GALNT18: variants seen among roughly 807,000 people sequenced by gnomAD.
GALNT18 encodes GalNAc-transferase 18.
In GALNT18, 44 loss-of-function variants were observed where a neutral mutation model predicts 69.5. The ratio of observed to expected loss-of-function variants is 0.63; its 90% CI spans 0.50 to 0.81. GALNT18 has a LOEUF of 0.81. Ranked by LOEUF, GALNT18 falls within the 40% of genes least tolerant of loss-of-function variation. GALNT18 has a pLI of 0.00. For synonymous variants in GALNT18, 364 were observed against 318.2 expected (o/e 1.14, Z -1.53); for missense variants, 715 against 810.0 (o/e 0.88, Z 1.42).
intron 6 of GALNT18, among the ~76,000 whole-genome samples, chr11:11,367,553 A>G (rs899436782): frequency 6.6e-6 from 1 of 152,124 alleles, no homozygotes; most frequent in Non-Finnish European, 1.5e-5. Context: ...GATGGAGAGG[A>G]GAGGGGTCTT....
intron 1 of GALNT18, among the ~76,000 whole-genome samples, chr11:11,536,781 G>A (rs1857782796): frequency 6.6e-6 from 1 of 152,226 alleles, no homozygotes; most frequent in Non-Finnish European, 1.5e-5. Context: ...TTCACATGTG[G>A]TAGGTGCACA....
intron 9 of GALNT18, among the ~76,000 whole-genome samples, chr11:11,321,495 A>G (rs753258375): frequency 6.6e-6 from 1 of 152,148 alleles, no homozygotes; most frequent in Admixed American, 6.5e-5. Context: ...AGCAAGACAA[A>G]CCCTTGAACT....
At chr11:11,488,408 C>A (rs573958306) in intron 1 of GALNT18, among the ~76,000 whole-genome samples, 3 of 152,132 alleles carry the variant, frequency 2.0e-5, no homozygotes, top group African/African-American at 7.2e-5. Context: ...CTCCAGCCTG[C>A]CTCTTTTGCT....
rs1390223170 is a variant in GALNT18, at chr11:11,332,660, T to C, written c.1416+34A>G. The C allele has an allele frequency of 6.2e-7, 1 of 1,610,216 alleles. No homozygotes were observed. The highest frequency in any genetic ancestry group is 2.2e-5 in the East Asian group (1 of 44,780). ...TTCACTATGTTTCTTTCTGTCTGTG[T>C]CTGAATGAAACCCGGAGGAGGCCAG... On this transcript the variant is annotated intron_variant, in intron 8 of 10. Transcript: ENST00000227756. The surrounding 1 kb of genome is among the most constrained non-coding windows in gnomAD (Gnocchi z 4.3).
intron 1 of GALNT18, among the ~76,000 whole-genome samples, chr11:11,575,543 C>A (rs1858905001): frequency 6.6e-6 from 1 of 152,228 alleles, no homozygotes; most frequent in Non-Finnish European, 1.5e-5. Context: ...AAACCTCAGT[C>A]TCTTCATTTG....
At chr11:11,453,011 A>T (rs1353107359) in intron 1 of GALNT18, among the ~76,000 whole-genome samples, 3 of 152,106 alleles carry the variant, frequency 2.0e-5, no homozygotes, top group African/African-American at 7.2e-5. Flanking sequence ...TGAGCACAAC[A>T]CAGAGGCTGT....
intron 3 of GALNT18, among the ~76,000 whole-genome samples, chr11:11,409,561 T>A (rs896579137): frequency 1.3e-5 from 2 of 151,870 alleles, no homozygotes; most frequent in African/African-American, 4.8e-5. Context: ...CCATGATACA[T>A]CTGTACCCAG....
rs1009670851 is a variant in GALNT18 at position 11,573,608 on chromosome 11, G to C, written c.235+47751C>G. 1 of 152,222 alleles carries C rather than the reference G, an allele frequency of 6.6e-6. No homozygotes were observed. Among genetic ancestry groups the C allele is most frequent in the African/African-American group, 2.4e-5 (1 of 41,434 alleles). 9.4% of individuals were successfully genotyped at this position (152,222 alleles called of 1,614,324 possible). ...GAAGAGGTGCCAGCTGGATCAGCAA[G>C]AGGCTGGTGGAGAACAAGAAGCTGC... On this transcript the variant is annotated intron_variant, in intron 1 of 10. Transcript: ENST00000227756. The surrounding 1 kb of genome is among the most constrained non-coding windows in gnomAD (Gnocchi z 4.6).
In GALNT18 at chr11:11,573,660, G is replaced by A. The variant is rs967653324; in HGVS notation, c.235+47699C>T. On this transcript the variant is annotated intron_variant, in intron 1 of 10. Coordinates refer to ENST00000227756, the MANE Select transcript of GALNT18 (RefSeq NM_198516.3). This position sits in a 1 kb window ranked among gnomAD's most constrained non-coding sequence, Gnocchi z 4.6. ...ATGAACCAATCTTTAGAAAACAGCA[G>A]GATCTCCGAGGAGAGAAAGAATTTC... The A allele has an allele frequency of 1.3e-5, 2 of 152,176 alleles. No individual in the cohort carries two copies. The highest frequency in any genetic ancestry group is 2.9e-5 in the Non-Finnish European group (2 of 68,054). 9.4% of individuals were successfully genotyped at this position (152,176 alleles called of 1,614,324 possible).
At chr11:11,381,688 C>A (rs1853923284) in intron 3 of GALNT18, among the ~76,000 whole-genome samples, 2 of 152,170 alleles carry the variant, frequency 1.3e-5, no homozygotes, top group African/African-American at 4.8e-5. Context: ...CAGCCTCTTC[C>A]CCAGCCCAGT....
At chr11:11,467,071 G>A (rs938756773) in intron 1 of GALNT18, among the ~76,000 whole-genome samples, 17 of 152,162 alleles carry the variant, frequency 1.1e-4, no homozygotes, top group Admixed American at 3.3e-4. Flanking sequence ...CAGTATGTGC[G>A]GAGGAGAACA....
At chr11:11,545,463 G>T (rs1814504712) in intron 1 of GALNT18, among the ~76,000 whole-genome samples, 3 of 152,198 alleles carry the variant, frequency 2.0e-5, no homozygotes. Context: ...TCCATGTGCA[G>T]CCATGTGGAT....
rs943339171 is a variant in GALNT18 at position 11,562,579 on chromosome 11, C to A, written c.235+58780G>T. ...GTCCTAGCAACACCCACCACCATCA[C>A]CATCAAACCTGCCTCCTACCCCAGC... On this transcript the variant is annotated intron_variant, in intron 1 of 10. Transcript: ENST00000227756. The surrounding 1 kb of genome is among the most constrained non-coding windows in gnomAD (Gnocchi z 4.1). Among the ~76,000 whole-genome samples, 1 of 152,126 alleles carries A rather than the reference C, an allele frequency of 6.6e-6. No individual in the cohort carries two copies. Among genetic ancestry groups the A allele is most frequent in the African/African-American group, 2.4e-5 (1 of 41,412 alleles).
Position 11,505,636 on chromosome 11 carries a change from C to T in GALNT18, c.236-56700G>A, listed in dbSNP as rs1857054113. Reference sequence around the variant, plus strand: ...TCCGACATCCCAATGAAAGCATTCTCACTAAGATTTCCATTGCCTTCCTCC... The same window carrying T: ...TCCGACATCCCAATGAAAGCATTCTTACTAAGATTTCCATTGCCTTCCTCC... On this transcript the variant is annotated intron_variant, in intron 1 of 10. Transcript: ENST00000227756. This position sits in a 1 kb window ranked among gnomAD's most constrained non-coding sequence, Gnocchi z 4.6. Among the ~76,000 whole-genome samples, 1 of 152,204 alleles carries T rather than the reference C, an allele frequency of 6.6e-6. No individual in the cohort carries two copies. The highest frequency in any genetic ancestry group is 1.5e-5 in the Non-Finnish European group (1 of 68,036).
rs1200613038 is a variant in GALNT18, at chr11:11,620,150, T to G, written c.235+1209A>C. Among the ~76,000 whole-genome samples the G allele has an allele frequency of 1.4e-5, 2 of 144,306 alleles. No homozygotes were observed. The highest frequency in any genetic ancestry group is 2.5e-5 in the African/African-American group (1 of 39,790). The allele number at this position is 144,306 out of a possible 152,430, so 94.7% of individuals were successfully genotyped here. A position where few individuals can be genotyped will look rare whatever the true frequency, so the allele number is the denominator to read the frequency against. The stretch of plus-strand genomic sequence containing the variant: ...GTGCTCCTGGCGGGGGGGTGGGGGG[T>G]AAGCCTTCAGTTCAATTCGATTTTG... On this transcript the variant is annotated intron_variant, in intron 1 of 10. Transcript: ENST00000227756. The surrounding 1 kb of genome is among the most constrained non-coding windows in gnomAD (Gnocchi z 6.9).
chr11:11,574,616 T>C (rs2134002844), intron 1 of GALNT18, among the ~76,000 whole-genome samples: 1 of 152,334 alleles, frequency 6.6e-6, no homozygotes. Flanking sequence ...GTTTGAGGCC[T>C]GTCTCCTATC....
At chr11:11,385,895 T>C (rs1854045609) in intron 3 of GALNT18, among the ~76,000 whole-genome samples, 1 of 152,108 alleles carries the variant, frequency 6.6e-6, no homozygotes, top group South Asian at 2.1e-4. Context: ...TAATCCAGTA[T>C]GACTGGTATT....
At position 11,417,738 on chromosome 11, in the gene GALNT18, C is replaced by T. The variant is rs116790643; in HGVS notation, c.595+14883G>A. 1.8e-3 allele frequency among the ~76,000 whole-genome samples: 279 copies of T among 152,306 alleles called. 1 individual carries two copies. The highest frequency in any genetic ancestry group is 6.4e-3 in the African/African-American group (264 of 41,560). On this transcript the variant is annotated intron_variant, in intron 3 of 10. Transcript: ENST00000227756. ...CTTGTTAGGCAACTGAGTTTAGGAC[C>T]CCTGAGCATAGAACAAGGTTAAGGA...
chr11:11,273,529 AAGAC>A (rs1848870593), intron 10 of GALNT18, among the ~76,000 whole-genome samples: 1 of 152,230 alleles, frequency 6.6e-6, no homozygotes. Context: ...CTTTAACCGA[AAGAC>A]AGGCAATAAT....
Sources: allele counts gnomAD v4.1 joint callset (sites outside exome capture counted in the v4.1 genomes callset), GRCh38; gene constraint gnomAD v4.1.1; non-coding constraint Gnocchi (gnomAD v3.1); transcripts MANE v1.5; gene names NCBI Gene and HGNC (gene_info 2026-07-23, HGNC 2026-07-21).